Variants in MAMDC2 observed in about 807,000 individuals in gnomAD.
The protein encoded by MAMDC2 is MAM domain containing 2.
MAMDC2 carries 57 observed loss-of-function variants against 89.8 expected under a neutral mutation model. That is an observed-to-expected ratio of 0.63 (90% CI 0.51 to 0.79). The LOEUF (loss-of-function observed/expected upper bound fraction) is 0.79. Ranked by LOEUF, MAMDC2 falls within the 30% of genes least tolerant of loss-of-function variation. MAMDC2 has a pLI of 0.00. For missense variants in MAMDC2, 800 were observed against 820.6 expected (o/e 0.97, Z 0.31); for synonymous variants, 313 against 293.4 (o/e 1.07, Z -0.68).
chr9:70,133,889 A>C (rs1342914534), intron 7 of MAMDC2, among the ~76,000 whole-genome samples: 2 of 152,164 alleles, frequency 1.3e-5, no homozygotes, highest in African/African-American at 2.4e-5. Flanking sequence ...GAACCAGCAA[A>C]GGGCACTAGC....
At position 70,218,334 on chromosome 9, in the gene MAMDC2, A is replaced by C. The variant is rs1271350552; in HGVS notation, c.1652-3A>C. ...CAATACCTGCTTTTGCATTCACCTC[A>C]AGGCTACTACATGTACATTGAGGCC... On this transcript the variant is annotated splice_polypyrimidine_tract_variant and splice_region_variant and intron_variant, in intron 11 of 13. Transcript: ENST00000377182. 1.9e-6 allele frequency: 3 copies of C among 1,606,130 alleles called. No homozygotes were observed. Among genetic ancestry groups the C allele is most frequent in the Non-Finnish European group, 2.6e-6 (3 of 1,174,612 alleles).
chr9:70,139,806 C>T lies in MAMDC2; in HGVS notation c.995-339C>T, dbSNP rs529106011. Among the ~76,000 whole-genome samples the T allele has an allele frequency of 1.8e-4, 28 of 152,172 alleles. 1 individual carries two copies. Among genetic ancestry groups the T allele is most frequent in the East Asian group, 1.7e-3 (9 of 5,172 alleles). ...TGTTGTTTCCTGACTTTTTAATGAT[C>T]GCCATTCTAACTGGTGTGAGATGGT... On this transcript the variant is annotated intron_variant, in intron 7 of 13. Coordinates refer to ENST00000377182, the MANE Select transcript of MAMDC2 (RefSeq NM_153267.5).
At chr9:70,198,197 CAATAT>C (rs2033016174) in intron 11 of MAMDC2, among the ~76,000 whole-genome samples, 1 of 148,824 alleles carries the variant, frequency 6.7e-6, no homozygotes, top group African/African-American at 2.5e-5. Context: ...CACACACACA[CAATAT>C]ATAATATATA....
chr9:70,182,442 C>G (rs923410153), intron 11 of MAMDC2, among the ~76,000 whole-genome samples: 4 of 152,158 alleles, frequency 2.6e-5, no homozygotes, highest in Non-Finnish European at 5.9e-5. Context: ...ACCAGCTCCT[C>G]TTTGTACCTC....
At chr9:70,216,866 C>T (rs1336107481) in intron 11 of MAMDC2, among the ~76,000 whole-genome samples, 1 of 152,132 alleles carries the variant, frequency 6.6e-6, no homozygotes, top group Non-Finnish European at 1.5e-5. Context: ...TGTTTAACAC[C>T]AACTGGCTTT....
chr9:70,109,801 A>G lies in MAMDC2; in HGVS notation c.502A>G (p.Ile168Val), dbSNP rs1488045459. Reference sequence around the variant, plus strand: ...AATCAAGATGACAACCGGCTACTGTATTGGTAAGTGGGCTTCATTTTCATT... The same window carrying G: ...AATCAAGATGACAACCGGCTACTGTGTTGGTAAGTGGGCTTCATTTTCATT... ...FEIKMTTGYC[I>V]ECDFEENHLC... is the part of the protein sequence containing the mutation. Residue 168 changes from isoleucine (I) to valine (V), a missense_variant, in exon 4 of 14, where the codon ATT becomes GTT. Ile to Val is a conservative substitution (Grantham distance 29). Transcript: ENST00000377182. The G allele has an allele frequency of 6.2e-7, 1 of 1,612,118 alleles. No homozygotes were observed. Among genetic ancestry groups the G allele is most frequent in the East Asian group, 2.2e-5 (1 of 44,862 alleles).
At chr9:70,144,695 T>C (rs189160114) in intron 9 of MAMDC2, among the ~76,000 whole-genome samples, 1 of 152,220 alleles carries the variant, frequency 6.6e-6, no homozygotes, top group African/African-American at 2.4e-5. Flanking sequence ...AAGGAAGGAA[T>C]GAATGAATGA....
intron 2 of MAMDC2, among the ~76,000 whole-genome samples, chr9:70,099,596 A>G (rs1828110593): frequency 6.6e-6 from 1 of 152,178 alleles, no homozygotes; most frequent in Non-Finnish European, 1.5e-5. Context: ...ACATGCCCAT[A>G]GCAGTAGAGC....
At chr9:70,209,530 T>C (rs1203124207) in intron 11 of MAMDC2, among the ~76,000 whole-genome samples, 2 of 108,908 alleles carry the variant, frequency 1.8e-5, no homozygotes, top group African/African-American at 6.6e-5. Flanking sequence ...TTCTTTTTTA[T>C]TAGTCTGAGC....
At chr9:70,168,917 C>T in intron 10 of MAMDC2, 122 bp downstream of exon 10, 1 of 782,132 alleles carries the variant, frequency 1.3e-6, no homozygotes, top group South Asian at 1.7e-5. Context: ...GACAAAGTGT[C>T]TCCTGCAGAG....
rs138324537 is a variant in MAMDC2, at chr9:70,144,824, A to G, written c.1404+1005A>G. The stretch of plus-strand genomic sequence containing the variant: ...CATAGCCCGAACTTCTCTTGGTTAC[A>G]ACCATCTGGATAGAATCATAGCTGT... On this transcript the variant is annotated intron_variant, in intron 9 of 13. Coordinates refer to ENST00000377182, the MANE Select transcript of MAMDC2 (RefSeq NM_153267.5). 5.0e-3 allele frequency among the ~76,000 whole-genome samples: 757 copies of G among 152,320 alleles called. 4 individuals carry two copies. Among genetic ancestry groups the G allele is most frequent in the African/African-American group, 0.017 (725 of 41,576 alleles).
chr9:70,076,283 T>TG (rs1451280104), intron 2 of MAMDC2, among the ~76,000 whole-genome samples: 1 of 152,098 alleles, frequency 6.6e-6, no homozygotes, highest in Non-Finnish European at 1.5e-5. Context: ...TAGCCGAGTG[T>TG]GGTGGCAGGC....
chr9:70,162,300 C>T (rs2032000201), intron 9 of MAMDC2, among the ~76,000 whole-genome samples: 1 of 152,118 alleles, frequency 6.6e-6, no homozygotes, highest in Non-Finnish European at 1.5e-5. Context: ...GACTTCACAG[C>T]ACCCAACAAA....
intron 2 of MAMDC2, chr9:70,062,805 C>T (rs1480165905): frequency 6.6e-6 from 1 of 152,172 alleles, no homozygotes; most frequent in Admixed American, 6.5e-5. Flanking sequence ...TAGGTGTACT[C>T]TATATAAACA....
chr9:70,192,860 T>C (rs1483615235), intron 11 of MAMDC2, among the ~76,000 whole-genome samples: 2 of 151,990 alleles, frequency 1.3e-5, no homozygotes, highest in Non-Finnish European at 2.9e-5. Flanking sequence ...TGAAGGTCAG[T>C]GAATGAAAAA....
chr9:70,146,458 CAGAG>C (rs1162814100), intron 9 of MAMDC2, among the ~76,000 whole-genome samples: 3 of 152,146 alleles, frequency 2.0e-5, no homozygotes, highest in African/African-American at 7.2e-5. Flanking sequence ...AATAGCTTCT[CAGAG>C]AGCAAAAGAA....
chr9:70,055,372 G>A (rs1461958197), intron 2 of MAMDC2, among the ~76,000 whole-genome samples: 5 of 152,198 alleles, frequency 3.3e-5, no homozygotes, highest in African/African-American at 9.6e-5. Flanking sequence ...TTAGGATAAC[G>A]TGCCCAAAGC....
chr9:70,202,323 T>G (rs1369403559), intron 11 of MAMDC2, among the ~76,000 whole-genome samples: 1 of 152,126 alleles, frequency 6.6e-6, no homozygotes, highest in Non-Finnish European at 1.5e-5. Context: ...CCAGTAGTCA[T>G]TCAGGAGCAG....
At chr9:70,102,480 T>A (rs1828221990) in intron 2 of MAMDC2, among the ~76,000 whole-genome samples, 1 of 152,212 alleles carries the variant, frequency 6.6e-6, no homozygotes, top group South Asian at 2.1e-4. Context: ...TATTGGAAGT[T>A]ATCGATACAT....
Sources: allele counts gnomAD v4.1 joint callset (sites outside exome capture counted in the v4.1 genomes callset), GRCh38; gene constraint gnomAD v4.1.1; transcripts MANE v1.5; gene names NCBI Gene and HGNC (gene_info 2026-07-23, HGNC 2026-07-21).